The following GPR158 variants were observed in gnomAD, a reference collection of about 807,000 sequenced individuals.
The protein encoded by GPR158 is metabotropic glycine receptor.
Under a neutral mutation model 78.2 loss-of-function variants are expected in GPR158, and 30 were observed. The observed-to-expected ratio is 0.38, with a 90% confidence interval of 0.29 to 0.52. The LOEUF (loss-of-function observed/expected upper bound fraction) is 0.52. Ranked by LOEUF, GPR158 falls within the 20% of genes least tolerant of loss-of-function variation. The pLI, the probability that GPR158 is intolerant of heterozygous loss-of-function variation, is 0.83. For missense variants in GPR158, 1,463 were observed against 1,523.5 expected, an observed-to-expected ratio of 0.96 and a Z score of 0.66; for synonymous variants, 581 against 591.1, an observed-to-expected ratio of 0.98 and a Z score of 0.25.
intron 5 of GPR158, among the ~76,000 whole-genome samples, chr10:25,476,476 T>C (rs1217191855): frequency 6.6e-6 from 1 of 151,374 alleles, no homozygotes; most frequent in Non-Finnish European, 1.5e-5. Context: ...CATATGTAAG[T>C]AATACTTACG....
intron 2 of GPR158, among the ~76,000 whole-genome samples, chr10:25,283,470 G>A (rs1854303984): frequency 2.0e-5 from 3 of 151,960 alleles, no homozygotes; most frequent in Non-Finnish European, 4.4e-5. Context: ...TGATGACCTT[G>A]AGCAGTAGGA....
chr10:25,592,747 A>T (rs899866773), intron 8 of GPR158, among the ~76,000 whole-genome samples: 2 of 151,900 alleles, frequency 1.3e-5, no homozygotes, highest in African/African-American at 4.8e-5. Flanking sequence ...ATACATGAGG[A>T]TCCTTTTATG....
chr10:25,175,978 G>T lies in GPR158; in HGVS notation c.558G>T (p.Pro186=), dbSNP rs1852525314. Residue 186 remains proline, a synonymous_variant, in exon 1 of 11, where the codon CCG becomes CCT. Coordinates refer to ENST00000376351, the MANE Select transcript of GPR158 (RefSeq NM_020752.3). This position sits in a 1 kb window ranked among gnomAD's most constrained non-coding sequence, Gnocchi z 6.4. ...TCAGCACCGATTCGCTGTCCGCACCGGCCCCACAGGTCTTCCTCCAGGCCA... is the reference window on the plus strand; with the variant it reads ...TCAGCACCGATTCGCTGTCCGCACCTGCCCCACAGGTCTTCCTCCAGGCCA... ...ITFSTDSLSA[P]APQVFLQATR... 1.2e-6 allele frequency: 2 copies of T among 1,613,172 alleles called. No individual in the cohort carries two copies. The highest frequency in any genetic ancestry group is 1.1e-5 in the South Asian group (1 of 91,060).
intron 2 of GPR158, among the ~76,000 whole-genome samples, chr10:25,388,436 C>T (rs930518289): frequency 6.6e-6 from 1 of 152,234 alleles, no homozygotes; most frequent in Non-Finnish European, 1.5e-5. Flanking sequence ...AACCTTGCTC[C>T]CTGCCATGTC....
chr10:25,461,915 T>C (rs934595024), intron 4 of GPR158, among the ~76,000 whole-genome samples: 1 of 151,838 alleles, frequency 6.6e-6, no homozygotes, highest in Non-Finnish European at 1.5e-5. Flanking sequence ...TGTATGTGTG[T>C]ATTTTTAATA....
chr10:25,335,612 C>G (rs1855186819), intron 2 of GPR158, among the ~76,000 whole-genome samples: 1 of 152,030 alleles, frequency 6.6e-6, no homozygotes, highest in Non-Finnish European at 1.5e-5. Context: ...TCCTTCCTCT[C>G]CCTACCCAGA....
intron 5 of GPR158, among the ~76,000 whole-genome samples, chr10:25,521,329 G>A (rs11014589): frequency 0.37 from 55,749 of 151,820 alleles, 10,323 homozygotes; most frequent in East Asian, 0.44. Context: ...CGTCTTCTGC[G>A]TCGCTCACGC....
chr10:25,423,087 A>C (rs568231289), intron 4 of GPR158, among the ~76,000 whole-genome samples: 1 of 138,390 alleles, frequency 7.2e-6, no homozygotes, highest in South Asian at 2.4e-4. Context: ...ATATATATGT[A>C]TGTGTGTGTG....
Position 25,223,698 on chromosome 10 carries a change from C to T in GPR158, c.1008+2541C>T, listed in dbSNP as rs894433172. 4.6e-5 allele frequency among the ~76,000 whole-genome samples: 7 copies of T among 152,182 alleles called. No individual in the cohort carries two copies. In the South Asian group the frequency reaches 1.0e-3, roughly 23 times the overall value. Reference sequence around the variant, plus strand: ...ACCCCTCTGTTACCATCCCAAGGATCGCTGTGTAAACTGGCTTATTTTGGG... The same window carrying T: ...ACCCCTCTGTTACCATCCCAAGGATTGCTGTGTAAACTGGCTTATTTTGGG... On this transcript the variant is annotated intron_variant, in intron 2 of 10. Transcript: ENST00000376351.
intron 2 of GPR158, among the ~76,000 whole-genome samples, chr10:25,228,489 G>A (rs1009495866): frequency 1.3e-5 from 2 of 152,018 alleles, no homozygotes; most frequent in African/African-American, 4.8e-5. Flanking sequence ...AATGAATACT[G>A]TTCATTCCTT....
At chr10:25,246,858 G>A (rs1311518137) in intron 2 of GPR158, among the ~76,000 whole-genome samples, 1 of 152,146 alleles carries the variant, frequency 6.6e-6, no homozygotes, top group Non-Finnish European at 1.5e-5. Context: ...CTTTATTATG[G>A]TTTAATATGT....
intron 2 of GPR158, among the ~76,000 whole-genome samples, chr10:25,348,578 C>A (rs1222011973): frequency 6.6e-6 from 1 of 151,880 alleles, no homozygotes; most frequent in Non-Finnish European, 1.5e-5. Context: ...ATACTATCAG[C>A]CCTACCTGGC....
intron 4 of GPR158, among the ~76,000 whole-genome samples, chr10:25,458,573 A>G (rs1835320223): frequency 6.6e-6 from 1 of 152,166 alleles, no homozygotes; most frequent in Non-Finnish European, 1.5e-5. Flanking sequence ...AAGATTCATG[A>G]AGAACTACTG....
In GPR158 at chr10:25,279,332, C is replaced by T. The variant is rs1396864169; in HGVS notation, c.1008+58175C>T. ...TATCTCCATTTTTCAGATAAGAAAC[C>T]TGACAATGAGAATCCACAGAAGTGA... On this transcript the variant is annotated intron_variant, in intron 2 of 10. Coordinates refer to ENST00000376351, the MANE Select transcript of GPR158 (RefSeq NM_020752.3). 2.0e-5 allele frequency among the ~76,000 whole-genome samples: 3 copies of T among 152,048 alleles called. No individual in the cohort carries two copies. The South Asian group carries it at 6.2e-4, about 32-fold the overall frequency.
chr10:25,200,427 A>G (rs1852906244), intron 1 of GPR158, among the ~76,000 whole-genome samples: 1 of 152,172 alleles, frequency 6.6e-6, no homozygotes, highest in Non-Finnish European at 1.5e-5. Flanking sequence ...CCTTTGTCAG[A>G]TACATAGTTT....
At chr10:25,533,280 A>G (rs115308733) in intron 5 of GPR158, among the ~76,000 whole-genome samples, 2,620 of 152,330 alleles carry the variant, frequency 0.017, 67 homozygotes, top group African/African-American at 0.06. Flanking sequence ...GACTAGTATT[A>G]GCAGCCCTTA....
chr10:25,363,869 C>T (rs72796150), intron 2 of GPR158, among the ~76,000 whole-genome samples: 4,162 of 152,014 alleles, frequency 0.027, 89 homozygotes, highest in Middle Eastern at 0.041. Flanking sequence ...AACTTTATTA[C>T]ATAAAAGTTG....
intron 5 of GPR158, among the ~76,000 whole-genome samples, chr10:25,545,106 T>C (rs147768182): frequency 0.021 from 3,271 of 152,330 alleles, 110 homozygotes; most frequent in African/African-American, 0.075. Flanking sequence ...CAGTCTATCA[T>C]TGATGAGCAT....
At chr10:25,188,459 A>G (rs900130766) in intron 1 of GPR158, among the ~76,000 whole-genome samples, 7 of 152,198 alleles carry the variant, frequency 4.6e-5, no homozygotes, top group African/African-American at 1.7e-4. Flanking sequence ...AACAGAACAG[A>G]GCCCTCAGAA....
Sources: gnomAD v4.1 joint callset for allele counts (sites outside exome capture counted in the v4.1 genomes callset) on GRCh38, gnomAD v4.1.1 for gene constraint, Gnocchi (gnomAD v3.1) non-coding constraint, MANE v1.5 for transcripts, NCBI Gene and HGNC (gene_info 2026-07-23, HGNC 2026-07-21) for gene names.